CADPS2: variants seen among roughly 807,000 people sequenced by gnomAD.
CADPS2 encodes the protein calcium dependent secretion activator 2.
A neutral mutation model predicts 172.5 loss-of-function variants in CADPS2; 93 were observed. The ratio of observed to expected loss-of-function variants is 0.54; its 90% confidence interval spans 0.46 to 0.64. CADPS2 has a LOEUF of 0.64. Ranked by LOEUF, CADPS2 falls within the 30% of genes least tolerant of loss-of-function variation. The probability of loss-of-function intolerance (pLI) is 0.00; values close to 1 mark genes in which losing one functional copy is unlikely to be tolerated. For missense variants in CADPS2, 1,420 were observed against 1,565.9 expected, an observed-to-expected ratio of 0.91 and a Z score of 1.57; for synonymous variants, 546 against 555.2, an observed-to-expected ratio of 0.98 and a Z score of 0.23.
chr7:122,412,906 G>C (rs1340743184), intron 19 of CADPS2: 1 of 152,234 alleles, frequency 6.6e-6, no homozygotes, highest in Non-Finnish European at 1.5e-5. Context: ...ACCACGCTAT[G>C]CATCTACATC....
chr7:122,626,710 A>C (rs1004458331), intron 4 of CADPS2, among the ~76,000 whole-genome samples: 1 of 152,116 alleles, frequency 6.6e-6, no homozygotes, highest in African/African-American at 2.4e-5. Context: ...TTTTATCCCA[A>C]TGTATCCCAA....
intron 28 of CADPS2, among the ~76,000 whole-genome samples, chr7:122,337,770 A>G (rs1173904649): frequency 6.6e-6 from 1 of 151,886 alleles, no homozygotes; most frequent in Non-Finnish European, 1.5e-5. Context: ...AAAAAAAAAA[A>G]AAAAGCTGAG....
chr7:122,602,213 T>C (rs1426772284), intron 6 of CADPS2, among the ~76,000 whole-genome samples: 1 of 151,926 alleles, frequency 6.6e-6, no homozygotes, highest in African/African-American at 2.4e-5. Context: ...AAAAAGTTTA[T>C]TTTTTTCATA....
chr7:122,368,462 T>C (rs1022279560), intron 25 of CADPS2, among the ~76,000 whole-genome samples: 4 of 152,084 alleles, frequency 2.6e-5, no homozygotes, highest in Non-Finnish European at 4.4e-5. Flanking sequence ...TCTGCTGACA[T>C]CTATTGTGTG....
At chr7:122,845,074 A>C (rs1811618834) in intron 1 of CADPS2, among the ~76,000 whole-genome samples, 1 of 152,182 alleles carries the variant, frequency 6.6e-6, no homozygotes, top group Non-Finnish European at 1.5e-5. Flanking sequence ...CCAAATAAAT[A>C]ACCTACATTC....
intron 3 of CADPS2, among the ~76,000 whole-genome samples, chr7:122,656,638 C>T (rs2079832697): frequency 1.3e-5 from 2 of 152,090 alleles, no homozygotes; most frequent in South Asian, 4.1e-4. Context: ...TACCACAATA[C>T]CAACACAGCT....
At position 122,661,744 on chromosome 7, in the gene CADPS2, A is replaced by G. The variant is rs548478296; in HGVS notation, c.786+1493T>C. 2.6e-5 allele frequency among the ~76,000 whole-genome samples: 4 copies of G among 152,320 alleles called. No individual in the cohort carries two copies. In the East Asian group the frequency reaches 7.7e-4, roughly 29 times the overall value. The stretch of plus-strand genomic sequence containing the variant: ...AGGAAAAAATATGTTTTTTCGCTCA[A>G]CTTGGATTCCCTAATACCTACAGAG... On this transcript the variant is annotated intron_variant, in intron 3 of 29. Coordinates refer to ENST00000449022, the MANE Select transcript of CADPS2 (RefSeq NM_017954.11).
At chr7:122,616,333 T>TA (rs1245224157) in intron 5 of CADPS2, among the ~76,000 whole-genome samples, 1 of 152,102 alleles carries the variant, frequency 6.6e-6, no homozygotes, top group Non-Finnish European at 1.5e-5. Flanking sequence ...GATCATGTAA[T>TA]ACTTTATTAC....
chr7:122,550,714 G>A (rs1189952843), intron 8 of CADPS2, among the ~76,000 whole-genome samples: 3 of 152,098 alleles, frequency 2.0e-5, no homozygotes, highest in Non-Finnish European at 4.4e-5. Flanking sequence ...ACTAGGCTAT[G>A]CTAAGGTATA....
At chr7:122,805,724 C>T (rs1026917012) in intron 1 of CADPS2, among the ~76,000 whole-genome samples, 6 of 152,048 alleles carry the variant, frequency 3.9e-5, no homozygotes, top group Non-Finnish European at 8.8e-5. Context: ...GGTGAAAGGC[C>T]AATGCTGGTA....
intron 7 of CADPS2, among the ~76,000 whole-genome samples, chr7:122,573,539 C>G (rs1205337156): frequency 1.3e-5 from 2 of 152,124 alleles, no homozygotes; most frequent in Admixed American, 6.5e-5. Flanking sequence ...CAAAACATAA[C>G]AAAAACAAAC....
rs912287286 is a variant in CADPS2, at chr7:122,675,324, C to T, written c.454-11755G>A. Among the ~76,000 whole-genome samples the T allele has an allele frequency of 5.3e-5, 8 of 152,294 alleles. No individual in the cohort carries two copies. The South Asian group carries it at 8.3e-4, about 16-fold the overall frequency. On this transcript the variant is annotated intron_variant, in intron 2 of 29. Coordinates refer to ENST00000449022, the MANE Select transcript of CADPS2 (RefSeq NM_017954.11). ...AAGACACACTTTGGCTCCCTGTTAA[C>T]GCCCTAGATGTGGAGAAAGAACAAT... is the stretch of plus-strand genomic sequence containing the variant.
chr7:122,343,479 T>C (rs1585133460), intron 28 of CADPS2, among the ~76,000 whole-genome samples: 2 of 152,328 alleles, frequency 1.3e-5, no homozygotes, highest in South Asian at 2.1e-4. Flanking sequence ...ACATAGAAAG[T>C]CTTCCAAAGA....
chr7:122,721,946 G>T (rs951859556), intron 2 of CADPS2, among the ~76,000 whole-genome samples: 1 of 152,044 alleles, frequency 6.6e-6, no homozygotes, highest in Non-Finnish European at 1.5e-5. Context: ...AAAAACACAT[G>T]ATTATCTCAA....
chr7:122,878,503 A>G (rs1821916955), intron 1 of CADPS2, among the ~76,000 whole-genome samples: 2 of 150,446 alleles, frequency 1.3e-5, no homozygotes, highest in Admixed American at 6.6e-5. Flanking sequence ...AGCCGGGTGC[A>G]GTGGCGGGTG....
intron 3 of CADPS2, among the ~76,000 whole-genome samples, chr7:122,656,238 G>A (rs1588167014): frequency 6.6e-6 from 1 of 152,066 alleles, no homozygotes; most frequent in South Asian, 2.1e-4. Context: ...TAATAGTGAG[G>A]ATCCAAAAAA....
At chr7:122,731,281 G>C (rs545274829) in intron 2 of CADPS2, among the ~76,000 whole-genome samples, 16 of 150,870 alleles carry the variant, frequency 1.1e-4, no homozygotes, top group Non-Finnish European at 2.2e-4. Context: ...TCCATATTTT[G>C]TACAACAGCA....
chr7:122,809,579 CAA>C (rs34872485), intron 1 of CADPS2, among the ~76,000 whole-genome samples: 86 of 101,622 alleles, frequency 8.5e-4, no homozygotes, highest in Middle Eastern at 5.1e-3. Flanking sequence ...GACACTGTCT[CAA>C]AAAAAAAAAA....
intron 6 of CADPS2, among the ~76,000 whole-genome samples, chr7:122,581,587 C>G (rs2068826237): frequency 6.6e-6 from 1 of 152,062 alleles, no homozygotes; most frequent in Non-Finnish European, 1.5e-5. Flanking sequence ...AAATCTATTA[C>G]TTTATTAATT....
Sources: gnomAD v4.1 joint callset for allele counts (sites outside exome capture counted in the v4.1 genomes callset) on GRCh38, gnomAD v4.1.1 for gene constraint, MANE v1.5 for transcripts, NCBI Gene and HGNC (gene_info 2026-07-23, HGNC 2026-07-21) for gene names.